The following ZNF831 variants were observed in gnomAD, a reference collection of about 807,000 sequenced individuals.
The protein encoded by ZNF831 is chromosome 20 open reading frame 174.
Under a neutral mutation model 95.8 loss-of-function variants are expected in ZNF831, and 59 were observed. The observed-to-expected ratio is 0.62, with a 90% CI of 0.50 to 0.77. The LOEUF (loss-of-function observed/expected upper bound fraction) is 0.77, where lower values mean the gene tolerates loss of function less well. ZNF831 is among the 30% of genes least tolerant of loss of function. The pLI, the probability that ZNF831 is intolerant of heterozygous loss-of-function variation, is 0.00. For missense variants in ZNF831, 2,205 were observed against 2,164.0 expected (o/e 1.02, Z -0.38); for synonymous variants, 961 against 925.5 (o/e 1.04, Z -0.70).
At chr20:59,149,977 C>T (rs899223217) in intron 2 of ZNF831, among the ~76,000 whole-genome samples, 4 of 152,236 alleles carry the variant, frequency 2.6e-5, no homozygotes, top group East Asian at 1.9e-4. Flanking sequence ...CGCCATGGCC[C>T]GCCTTTTCCT....
At chr20:59,252,907 A>G in intron 4 of ZNF831, 71 bp from the exon 5 acceptor site, 1 of 1,509,816 alleles carries the variant, frequency 6.6e-7, no homozygotes, top group Non-Finnish European at 8.9e-7. Context: ...GTCATGGACA[A>G]CCTCCCAGGA....
chr20:59,192,087 G>A lies in ZNF831; in HGVS notation c.1068G>A (p.Pro356=), dbSNP rs767543404. The change falls in exon 2 of 6, where the codon CCG becomes CCA. Residue 356 remains proline, a synonymous_variant. Transcript: ENST00000371030. This position sits in a 1 kb window ranked among gnomAD's most constrained non-coding sequence, Gnocchi z 5.2. ...YLSRSDSAEQ[P]HAPCSPLHSL... ...CGCGCTCCGACAGCGCGGAGCAGCC[G>A]CATGCGCCCTGCAGCCCCCTGCACA... 1.9e-6 allele frequency: 3 copies of A among 1,601,604 alleles called. No individual in the cohort carries two copies. The highest frequency in any genetic ancestry group is 2.5e-6 in the Non-Finnish European group (3 of 1,177,198).
Position 59,254,591 on chromosome 20 carries a change from G to A in ZNF831, c.4882G>A (p.Val1628Ile), listed in dbSNP as rs755874623. 2 of 1,614,060 alleles carry A rather than the reference G, an allele frequency of 1.2e-6. No homozygotes were observed. The highest frequency in any genetic ancestry group is 2.2e-5 in the South Asian group (2 of 91,090). ...SGLITRKDSV[V>I]PSKPEQPIEI... The stretch of plus-strand genomic sequence containing the variant: ...ATTAATCACTCGGAAAGATTCTGTG[G>A]TTCCTTCTAAGCCAGAGCAGCCCAT... Residue 1628 changes from valine to isoleucine, a missense_variant, in exon 6 of 6, where the codon GTT becomes ATT. Physicochemically the swap from Val to Ile is conservative, Grantham distance 29 (BLOSUM62 3). Transcript: ENST00000371030. The surrounding 1 kb of genome is among the most constrained non-coding windows in gnomAD (Gnocchi z 4.5).
chr20:59,134,565 G>A (rs1307841607), intron 1 of ZNF831, among the ~76,000 whole-genome samples: 1 of 152,214 alleles, frequency 6.6e-6, no homozygotes, highest in Non-Finnish European at 1.5e-5. Flanking sequence ...GGACCTCTCA[G>A]AGACCTGAGA....
At chr20:59,184,996 C>A (rs1038955438) in intron 1 of ZNF831, among the ~76,000 whole-genome samples, 1 of 152,152 alleles carries the variant, frequency 6.6e-6, no homozygotes, top group Non-Finnish European at 1.5e-5. Flanking sequence ...AAGTTCCCTG[C>A]GTGTGGGAGC....
At chr20:59,127,253 C>T (rs999306201) in intron 1 of ZNF831, among the ~76,000 whole-genome samples, 7 of 152,092 alleles carry the variant, frequency 4.6e-5, no homozygotes, top group South Asian at 2.1e-4. Flanking sequence ...CTTGAGTCCA[C>T]GTCACCATTC....
chr20:59,149,945 C>T (rs1205290587), intron 2 of ZNF831, among the ~76,000 whole-genome samples: 1 of 152,240 alleles, frequency 6.6e-6, no homozygotes, highest in African/African-American at 2.4e-5. Context: ...CCATCCAACG[C>T]CAGCGCCAGC....
chr20:59,146,468 C>T (rs1979867747), intron 2 of ZNF831: 1 of 152,210 alleles, frequency 6.6e-6, no homozygotes, highest in South Asian at 2.1e-4. Flanking sequence ...GGTCTGTTGC[C>T]TCCCGAGTGA....
At chr20:59,205,131 G>A (rs540298697) in intron 3 of ZNF831, among the ~76,000 whole-genome samples, 4 of 152,270 alleles carry the variant, frequency 2.6e-5, no homozygotes, top group East Asian at 1.9e-4. Context: ...AAACTGTGCC[G>A]TTCTTAACAC....
In ZNF831 at chr20:59,254,920, G is replaced by T; in HGVS notation, c.*177G>T. 1 of 776,142 alleles carries T rather than the reference G, an allele frequency of 1.3e-6. No individual in the cohort carries two copies. The highest frequency in any genetic ancestry group is 2.0e-6 in the Non-Finnish European group (1 of 499,150). 48.1% of individuals were successfully genotyped at this position (776,142 alleles called of 1,614,324 possible). On this transcript the variant is annotated 3_prime_UTR_variant, in exon 6 of 6. Coordinates refer to ENST00000371030, the MANE Select transcript of ZNF831 (RefSeq NM_178457.3). This position sits in a 1 kb window ranked among gnomAD's most constrained non-coding sequence, Gnocchi z 4.5. ...ACTTCTGACCCCCAACTCAGCCGCA[G>T]CGTTCCCCAGCTCCCCTTGGGAGTG... is the stretch of plus-strand genomic sequence containing the variant.
intron 1 of ZNF831, among the ~76,000 whole-genome samples, chr20:59,184,402 CCT>C (rs1047987698): frequency 4.3e-4 from 65 of 150,010 alleles, no homozygotes; most frequent in Middle Eastern, 3.4e-3. Context: ...CCTCTTCCTC[CCT>C]CCCCCCTTTT....
rs769078068 is a variant in ZNF831 at position 59,192,886 on chromosome 20, T to A, written c.1867T>A (p.Tyr623Asn). ...GTTCTCCCAGGAGAAGTGGCAGGTG[T>A]ACGGGGATGAGACGTTCAAAAGGAT... ...KMFSQEKWQV[Y>N]GDETFKRIYQ... Residue 623 changes from tyrosine (Y) to asparagine (N), a missense_variant, in exon 2 of 6, where the codon TAC becomes AAC. Physicochemically the swap from Tyr to Asn is moderately radical, Grantham distance 143. Transcript: ENST00000371030. This position sits in a 1 kb window ranked among gnomAD's most constrained non-coding sequence, Gnocchi z 5.2. The A allele has an allele frequency of 3.8e-6, 6 of 1,597,162 alleles. No individual in the cohort carries two copies. The highest frequency in any genetic ancestry group is 4.3e-6 in the Non-Finnish European group (5 of 1,172,480).
At position 59,182,063 on chromosome 20, in the gene ZNF831, C is replaced by T. The variant is rs560349996; in HGVS notation, c.-36-8921C>T. On this transcript the variant is annotated intron_variant, in intron 1 of 5. Coordinates refer to ENST00000371030, the MANE Select transcript of ZNF831 (RefSeq NM_178457.3). ...CTGGAAGGAATATACTTCTCAACTC[C>T]TTGATCTTGGGTGAATCCCTCCATC... Among the ~76,000 whole-genome samples the T allele has an allele frequency of 3.3e-5, 5 of 152,304 alleles. No homozygotes were observed. In the South Asian group the frequency reaches 1.0e-3, roughly 32 times the overall value.
chr20:59,212,705 T>A (rs1349929418), intron 4 of ZNF831, among the ~76,000 whole-genome samples: 1 of 152,122 alleles, frequency 6.6e-6, no homozygotes, highest in Non-Finnish European at 1.5e-5. Flanking sequence ...GCATCTACCT[T>A]ATAATCCAGA....
chr20:59,178,658 C>T (rs983275081), intron 1 of ZNF831, among the ~76,000 whole-genome samples: 16 of 152,096 alleles, frequency 1.1e-4, no homozygotes, highest in African/African-American at 3.9e-4. Context: ...GAAAATATTC[C>T]TTTACTTTTC....
intron 3 of ZNF831, among the ~76,000 whole-genome samples, chr20:59,197,977 G>A (rs1601385009): frequency 6.6e-6 from 1 of 152,192 alleles, no homozygotes; most frequent in African/African-American, 2.4e-5. Context: ...AAGCCTCCAG[G>A]CATCATTGGA....
chr20:59,209,172 T>C (rs1180063691), intron 4 of ZNF831, among the ~76,000 whole-genome samples: 7 of 152,212 alleles, frequency 4.6e-5, no homozygotes, highest in Non-Finnish European at 1.0e-4. Context: ...ATGTCGACGG[T>C]CTGTCAGTGT....
intron 4 of ZNF831, among the ~76,000 whole-genome samples, chr20:59,249,888 C>T (rs1987798252): frequency 6.6e-6 from 1 of 152,074 alleles, no homozygotes; most frequent in Admixed American, 6.6e-5. Flanking sequence ...TATATAAGCT[C>T]ACAAGGAGAA....
Position 59,191,965 on chromosome 20 carries a change from C to A in ZNF831, c.946C>A (p.Gln316Lys), listed in dbSNP as rs2146557212. The A allele has an allele frequency of 6.2e-7, 1 of 1,606,770 alleles. No homozygotes were observed. Among genetic ancestry groups the A allele is most frequent in the Non-Finnish European group, 8.5e-7 (1 of 1,177,392 alleles). The change falls in exon 2 of 6, where the codon CAG (glutamine) becomes AAG (lysine). Residue 316 changes from glutamine to lysine, a missense_variant. Transcript: ENST00000371030. ...SPTAGKPCAL[Q>K]RQQATAAEKP... The stretch of plus-strand genomic sequence containing the variant: ...GACCGCCGGGAAGCCGTGCGCCCTG[C>A]AGCGGCAGCAGGCGACGGCAGCGGA...
Sources: gnomAD v4.1 joint callset for allele counts (sites outside exome capture counted in the v4.1 genomes callset) on GRCh38, gnomAD v4.1.1 for gene constraint, Gnocchi (gnomAD v3.1) non-coding constraint, MANE v1.5 for transcripts, NCBI Gene and HGNC (gene_info 2026-07-23, HGNC 2026-07-21) for gene names.